COQ9: variants seen among roughly 807,000 people sequenced by gnomAD.
COQ9 encodes coenzyme Q9, also known as ubiquinone biosynthesis protein COQ9, mitochondrial.
Under a neutral mutation model 42.4 loss-of-function variants are expected in COQ9, and 35 were observed. The observed-to-expected ratio is 0.83, with a 90% CI of 0.63 to 1.10. The LOEUF is 1.10. Ranked by LOEUF, COQ9 falls within the 50% of genes least tolerant of loss-of-function variation. The pLI is 0.00. For synonymous variants in COQ9, 155 were observed against 155.1 expected, an observed-to-expected ratio of 1.00 and a Z score of 0.00; for missense variants, 406 against 414.6, an observed-to-expected ratio of 0.98 and a Z score of 0.18.
At chr16:57,447,776 A>C (rs2030164365) in intron 1 of COQ9, 198 bp downstream of exon 1, 1 of 407,870 alleles carries the variant, frequency 2.5e-6, no homozygotes, top group Admixed American at 4.4e-5. Context: ...GGGCAGATGC[A>C]GCGGGGCAGG....
intron 3 of COQ9, 129 bp downstream of exon 3, chr16:57,453,065 G>GT (rs1243606967): frequency 8.8e-6 from 11 of 1,253,282 alleles, no homozygotes; most frequent in East Asian, 4.7e-5. Flanking sequence ...AGATTGACTG[G>GT]TTTTTTTCCC....
chr16:57,456,576 A>C lies in COQ9; in HGVS notation c.451A>C (p.Thr151Pro). Residue 151 changes from threonine (T) to proline (P), a missense_variant, in exon 4 of 9, where the codon ACC becomes CCC. Transcript: ENST00000262507. Reference protein sequence around the residue: ...DGSELILHFVTQCNTRLTRVL... With the variant: ...DGSELILHFVPQCNTRLTRVL... The stretch of plus-strand genomic sequence containing the variant: ...CAGTGAGCTAATACTGCATTTTGTG[A>C]CCCAGTGCAATACCCGGCTCACACG... 1 of 1,614,098 alleles carries C rather than the reference A, an allele frequency of 6.2e-7. No individual in the cohort carries two copies. Among genetic ancestry groups the C allele is most frequent in the Non-Finnish European group, 8.5e-7 (1 of 1,180,028 alleles).
chr16:57,459,214 G>A (rs1009452133), intron 6 of COQ9, among the ~76,000 whole-genome samples: 4 of 152,206 alleles, frequency 2.6e-5, no homozygotes, highest in African/African-American at 4.8e-5. Context: ...TGATTACAGC[G>A]TCTTCTGGGA....
At chr16:57,454,239 C>G (rs2030352718) in intron 3 of COQ9, 2 of 152,322 alleles carry the variant, frequency 1.3e-5, no homozygotes, top group African/African-American at 4.8e-5. Flanking sequence ...GTGATCAAAA[C>G]TACCATATTT....
intron 3 of COQ9, among the ~76,000 whole-genome samples, chr16:57,455,812 T>C (rs1431062101): frequency 1.3e-5 from 2 of 152,034 alleles, no homozygotes; most frequent in African/African-American, 2.4e-5. Context: ...TGGACCAGGC[T>C]CATATGTGTA....
chr16:57,453,003 CG>C (rs1186126327), intron 3 of COQ9, 67 bp downstream of exon 3: 2 of 1,595,858 alleles, frequency 1.3e-6, no homozygotes, highest in Non-Finnish European at 1.7e-6. Flanking sequence ...CCAGGCAGAG[CG>C]GGGGGCCTCA....
intron 2 of COQ9, among the ~76,000 whole-genome samples, chr16:57,452,202 C>T (rs548430716): frequency 6.6e-6 from 1 of 152,180 alleles, no homozygotes; most frequent in Non-Finnish European, 1.5e-5. Flanking sequence ...ATGAAGAAAC[C>T]CTCTGAGCAC....
Position 57,460,723 on chromosome 16 carries a change from A to G in COQ9, c.*99A>G, listed in dbSNP as rs111229926. The stretch of plus-strand genomic sequence containing the variant: ...GTGCCATCCACATAACCTGGTGTTC[A>G]CGAGAACACACTAAAGGACTCCTGA... On this transcript the variant is annotated 3_prime_UTR_variant, in exon 9 of 9. Coordinates refer to ENST00000262507, the MANE Select transcript of COQ9 (RefSeq NM_020312.4). 235 of 1,119,714 alleles carry G rather than the reference A, an allele frequency of 2.1e-4. No individual in the cohort carries two copies. In the African/African-American group the frequency reaches 3.2e-3, roughly 15 times the overall value. The allele number at this position is 1,119,714 out of a possible 1,614,324, so 69.4% of individuals were successfully genotyped here.
At chr16:57,454,647 G>C (rs1233234884) in intron 3 of COQ9, among the ~76,000 whole-genome samples, 1 of 152,214 alleles carries the variant, frequency 6.6e-6, no homozygotes, top group African/African-American at 2.4e-5. Flanking sequence ...AACAGAGTGA[G>C]ACCTTGTCTG....
intron 4 of COQ9, 35 bp from the exon 5 acceptor site, chr16:57,456,896 C>G (rs1054696886): frequency 2.5e-6 from 4 of 1,580,970 alleles, no homozygotes; most frequent in African/African-American, 1.3e-5. Flanking sequence ...CTGCCTTTCA[C>G]TCAGAGACAC....
At position 57,458,234 on chromosome 16, in the gene COQ9, TTC is replaced by T; in HGVS notation, c.607-5_607-4del. On this transcript the variant is annotated splice_polypyrimidine_tract_variant and intron_variant, in intron 5 of 8. Coordinates refer to ENST00000262507, the MANE Select transcript of COQ9 (RefSeq NM_020312.4). ...GTGAGCAGAGCTTACTCCTCTGCCA[TTC>T]TCTCTCCAGGCCCTCAGCATCCTCA... 2 of 1,594,646 alleles carry T rather than the reference TTC, an allele frequency of 1.3e-6. No homozygotes were observed. The highest frequency in any genetic ancestry group is 2.3e-5 in the South Asian group (2 of 88,370).
At chr16:57,448,650 TTATCTG>T (rs2030199661) in intron 1 of COQ9, among the ~76,000 whole-genome samples, 2 of 152,014 alleles carry the variant, frequency 1.3e-5, no homozygotes, top group Admixed American at 6.6e-5. Flanking sequence ...TGACCTCAAG[TTATCTG>T]CCTGCCTCAG....
chr16:57,455,084 TC>T (rs1208981978), intron 3 of COQ9, among the ~76,000 whole-genome samples: 20 of 152,236 alleles, frequency 1.3e-4, no homozygotes, highest in African/African-American at 4.8e-4. Flanking sequence ...GATGAGGTGG[TC>T]TGGCTTAGAG....
chr16:57,447,738 G>A (rs2030162794), intron 1 of COQ9, 160 bp downstream of exon 1: 3 of 510,548 alleles, frequency 5.9e-6, no homozygotes, highest in South Asian at 1.0e-4. Context: ...CGCCTGGCTA[G>A]CTTCGGCCCT....
chr16:57,460,067 A>G lies in COQ9; in HGVS notation c.884A>G (p.Glu295Gly). 1 of 1,614,084 alleles carries G rather than the reference A, an allele frequency of 6.2e-7. No homozygotes were observed. The highest frequency in any genetic ancestry group is 8.5e-7 in the Non-Finnish European group (1 of 1,180,006). The change falls in exon 8 of 9, where the codon GAG becomes GGG. Residue 295 changes from glutamate to glycine, a missense_variant. Coordinates refer to ENST00000262507, the MANE Select transcript of COQ9 (RefSeq NM_020312.4). ...HTAKQVKSTG[E>G]ALVQGLMGAA... Reference sequence around the variant, plus strand: ...TCCTTCTAGGTAAAGTCCACAGGAGAGGCACTGGTGCAAGGACTCATGGGT... The same window carrying G: ...TCCTTCTAGGTAAAGTCCACAGGAGGGGCACTGGTGCAAGGACTCATGGGT...
At chr16:57,459,140 G>A (rs187864557) in intron 6 of COQ9, among the ~76,000 whole-genome samples, 60 of 152,290 alleles carry the variant, frequency 3.9e-4, no homozygotes, top group Middle Eastern at 6.8e-3. Flanking sequence ...ATTGTAATCT[G>A]TCCATGAGCC....
In COQ9 at chr16:57,460,686, G is replaced by GA; in HGVS notation, c.*66dup. ...TGAGCGGACAGATTGAAAGAGCTTT[G>GA]AAAAGTATAAGGTGCCATCCACATA... is the stretch of plus-strand genomic sequence containing the variant. On this transcript the variant is annotated 3_prime_UTR_variant, in exon 9 of 9. Transcript: ENST00000262507. 6.6e-7 allele frequency: 1 copy of GA among 1,519,680 alleles called. No homozygotes were observed. The highest frequency in any genetic ancestry group is 9.1e-7 in the Non-Finnish European group (1 of 1,095,246). The allele number at this position is 1,519,680 out of a possible 1,614,324, so 94.1% of individuals were successfully genotyped here. A position where few individuals can be genotyped will look rare whatever the true frequency, so the allele number is the denominator to read the frequency against.
At position 57,452,867 on chromosome 16, in the gene COQ9, C is replaced by T; in HGVS notation, c.309C>T (p.Ile103=). Reference sequence around the variant, plus strand: ...GTGAGGAGCAGTTGCAGCACCGCATCCTGACGGCAGCCCTTGAGTTTGTGC... The same window carrying T: ...GTGAGGAGCAGTTGCAGCACCGCATTCTGACGGCAGCCCTTGAGTTTGTGC... ...YESEEQLQHR[I]LTAALEFVPA... Residue 103 remains isoleucine, a synonymous_variant, in exon 3 of 9, where the codon ATC becomes ATT. Coordinates refer to ENST00000262507, the MANE Select transcript of COQ9 (RefSeq NM_020312.4). 1 of 1,613,846 alleles carries T rather than the reference C, an allele frequency of 6.2e-7. No individual in the cohort carries two copies. Among genetic ancestry groups the T allele is most frequent in the South Asian group, 1.1e-5 (1 of 91,064 alleles).
chr16:57,460,552 G>A (rs372673645), intron 8 of COQ9, 37 bp from the exon 9 acceptor site: 1 of 1,608,012 alleles, frequency 6.2e-7, no homozygotes, highest in South Asian at 1.1e-5. Flanking sequence ...GGCAAGGTAA[G>A]CCCTCACTAT....
Sources: allele counts gnomAD v4.1 joint callset (sites outside exome capture counted in the v4.1 genomes callset), GRCh38; gene constraint gnomAD v4.1.1; transcripts MANE v1.5; gene names NCBI Gene and HGNC (gene_info 2026-07-23, HGNC 2026-07-21).